The following SLC25A25 variants were observed in gnomAD, a reference collection of about 807,000 sequenced individuals.
The protein encoded by SLC25A25 is mitochondrial adenyl nucleotide antiporter SLC25A25.
A neutral mutation model predicts 57.7 loss-of-function variants in SLC25A25; 32 were observed. The ratio of observed to expected loss-of-function variants is 0.55; its 90% CI spans 0.42 to 0.74. The LOEUF is 0.74. Among genes scored for constraint, SLC25A25 ranks in the 30% least tolerant of loss-of-function variants. The probability of loss-of-function intolerance (pLI) is 0.00; values close to 1 mark genes in which losing one functional copy is unlikely to be tolerated. For synonymous variants in SLC25A25, 306 were observed against 291.2 expected (o/e 1.05, Z -0.52); for missense variants, 556 against 701.3 (o/e 0.79, Z 2.34).
intron 1 of SLC25A25, among the ~76,000 whole-genome samples, chr9:128,070,805 A>AT (rs1476507501): frequency 9.2e-5 from 14 of 151,664 alleles, no homozygotes; most frequent in African/African-American, 3.4e-4. Context: ...TACAAAATTA[A>AT]CGGGGAGTGG....
chr9:128,083,993 T>C (rs1040541098), intron 1 of SLC25A25, among the ~76,000 whole-genome samples: 3 of 152,154 alleles, frequency 2.0e-5, no homozygotes, highest in Non-Finnish European at 4.4e-5. Flanking sequence ...CTTTATACTC[T>C]GGGCATTTTA....
chr9:128,079,409 CA>C lies in SLC25A25; in HGVS notation c.261+10851del, dbSNP rs375501116. Among the ~76,000 whole-genome samples the C allele has an allele frequency of 6.8e-3, 409 of 59,792 alleles. 1 individual carries two copies. Among genetic ancestry groups the C allele is most frequent in the East Asian group, 0.028 (62 of 2,220 alleles). The allele number at this position is 59,792 out of a possible 152,430, so 39.2% of individuals were successfully genotyped here. On this transcript the variant is annotated intron_variant, in intron 1 of 10. Transcript: ENST00000373069. The stretch of plus-strand genomic sequence containing the variant: ...CCATTGATTGAAATGCTGCTGATGC[CA>C]AAAAAAAAAAAAAAAAAAAAAGGGT...
In SLC25A25 at chr9:128,107,319, A is replaced by G. The variant is rs773606820; in HGVS notation, c.1423A>G (p.Thr475Ala). 2.6e-6 allele frequency: 4 copies of G among 1,552,946 alleles called. No individual in the cohort carries two copies. In the South Asian group the frequency reaches 3.7e-5, roughly 14 times the overall value. Residue 475 changes from threonine (T) to alanine (A), a missense_variant, in exon 11 of 11, where the codon ACC becomes GCC. Physicochemically the swap from Thr to Ala is moderately conservative, Grantham distance 58. Transcript: ENST00000373069. ...MSSLFKHILR[T>A]EGAFGLYRGL... ...CAGCCTCTTCAAACATATCCTGCGG[A>G]CCGAGGGGGCCTTCGGGCTGTACAG... is the stretch of plus-strand genomic sequence containing the variant.
chr9:128,097,153 T>C (rs1391943286), intron 1 of SLC25A25, among the ~76,000 whole-genome samples: 1 of 152,242 alleles, frequency 6.6e-6, no homozygotes, highest in Non-Finnish European at 1.5e-5. Context: ...AGTGGGAAGA[T>C]ATAGTCTATA....
Position 128,106,605 on chromosome 9 carries a change from G to A in SLC25A25, c.1212+85G>A, listed in dbSNP as rs1834050690. 6 of 1,465,096 alleles carry A rather than the reference G, an allele frequency of 4.1e-6. No individual in the cohort carries two copies. In the East Asian group the frequency reaches 6.8e-5, roughly 17 times the overall value. 90.8% of individuals were successfully genotyped at this position (1,465,096 alleles called of 1,614,324 possible). A position where few individuals can be genotyped will look rare whatever the true frequency, so the allele number is the denominator to read the frequency against. ...TCCCTCCTTGACGGACGCGTGGTTA[G>A]TGCAGGAAACTGCATCAAAGACTGC... On this transcript the variant is annotated intron_variant, in intron 9 of 10. Coordinates refer to ENST00000373069, the MANE Select transcript of SLC25A25 (RefSeq NM_001330988.2).
chr9:128,084,289 C>T (rs1002290194), intron 1 of SLC25A25, among the ~76,000 whole-genome samples: 1 of 145,642 alleles, frequency 6.9e-6, no homozygotes, highest in South Asian at 2.2e-4. Context: ...TTGATACAGT[C>T]TCACTCTGTT....
At position 128,107,019 on chromosome 9, in the gene SLC25A25, C is replaced by A. The variant is rs771066566; in HGVS notation, c.1213-10C>A. 6.2e-7 allele frequency: 1 copy of A among 1,612,524 alleles called. No individual in the cohort carries two copies. The highest frequency in any genetic ancestry group is 1.7e-5 in the Admixed American group (1 of 59,950). On this transcript the variant is annotated splice_polypyrimidine_tract_variant and intron_variant, in intron 9 of 10. Transcript: ENST00000373069. ...CCTAGGGCTTATCCCATGCTCCCTT[C>A]TCCTTCTAGACGCTCAAGAATGCCT... is the stretch of plus-strand genomic sequence containing the variant.
chr9:128,078,970 G>A (rs948034710), intron 1 of SLC25A25, among the ~76,000 whole-genome samples: 1 of 152,104 alleles, frequency 6.6e-6, no homozygotes, highest in African/African-American at 2.4e-5. Context: ...AGGCCCTGGT[G>A]GTGCACAGGA....
At chr9:128,073,297 A>G (rs1253056155) in intron 1 of SLC25A25, among the ~76,000 whole-genome samples, 1 of 152,128 alleles carries the variant, frequency 6.6e-6, no homozygotes, top group East Asian at 1.9e-4. Context: ...ATAATTTAGA[A>G]CCACATATTT....
chr9:128,092,594 C>T (rs569989066), intron 1 of SLC25A25, among the ~76,000 whole-genome samples: 32 of 152,096 alleles, frequency 2.1e-4, no homozygotes, highest in Non-Finnish European at 4.0e-4. Context: ...AGACTGGGTC[C>T]GAGGAGAGGC....
Position 128,103,662 on chromosome 9 carries a change from G to T in SLC25A25, c.625-19G>T, listed in dbSNP as rs1833897628. ...GCCCCAAGGGTCCTGAGTCAGGCTT[G>T]TGCCATCTTTCCTCACAGATCTTTG... On this transcript the variant is annotated intron_variant, in intron 5 of 10. Coordinates refer to ENST00000373069, the MANE Select transcript of SLC25A25 (RefSeq NM_001330988.2). This position sits in a 1 kb window ranked among gnomAD's most constrained non-coding sequence, Gnocchi z 6.7. The T allele has an allele frequency of 1.2e-6, 2 of 1,614,036 alleles. No individual in the cohort carries two copies. Among genetic ancestry groups the T allele is most frequent in the African/African-American group, 2.7e-5 (2 of 74,938 alleles).
At chr9:128,068,728 A>C in intron 1 of SLC25A25, 148 bp downstream of exon 1, 1 of 923,960 alleles carries the variant, frequency 1.1e-6, no homozygotes, top group Non-Finnish European at 1.5e-6. Flanking sequence ...CACCCCACTT[A>C]TGCCCTGGTG....
intron 1 of SLC25A25, among the ~76,000 whole-genome samples, chr9:128,096,424 G>T (rs1026082540): frequency 6.6e-6 from 1 of 152,164 alleles, no homozygotes; most frequent in Non-Finnish European, 1.5e-5. Context: ...CACAAGAGTC[G>T]CTTGAACCTG....
chr9:128,081,403 G>C (rs1833153422), intron 1 of SLC25A25, among the ~76,000 whole-genome samples: 1 of 152,148 alleles, frequency 6.6e-6, no homozygotes, highest in South Asian at 2.1e-4. Flanking sequence ...GCTTTTTCAC[G>C]TGGGAGAAGG....
Position 128,068,560 on chromosome 9 carries a change from C to A in SLC25A25, c.241C>A (p.Arg81Ser). ...AVGLRRLGLH[R>S]TEGELQKIVQ... ...GGGGCTGCGGCGCCTGGGACTGCAC[C>A]GCACCGAGGGCGAGCTCCAGGTAGG... Residue 81 changes from arginine (R) to serine (S), a missense_variant, in exon 1 of 11, where the codon CGC becomes AGC. Arg to Ser is a moderately radical substitution (Grantham distance 110). Coordinates refer to ENST00000373069, the MANE Select transcript of SLC25A25 (RefSeq NM_001330988.2). The A allele has an allele frequency of 7.0e-7, 1 of 1,428,676 alleles. No homozygotes were observed. Among genetic ancestry groups the A allele is most frequent in the Admixed American group, 2.7e-5 (1 of 36,646 alleles). The allele number at this position is 1,428,676 out of a possible 1,614,324, so 88.5% of individuals were successfully genotyped here. A position where few individuals can be genotyped will look rare whatever the true frequency, so the allele number is the denominator to read the frequency against.
intron 1 of SLC25A25, among the ~76,000 whole-genome samples, chr9:128,076,402 A>AT (rs1284971189): frequency 3.9e-5 from 6 of 152,242 alleles, no homozygotes; most frequent in African/African-American, 1.2e-4. Flanking sequence ...AAGTGTTAGG[A>AT]TTACAGGCAT....
At chr9:128,073,398 A>G (rs1012497457) in intron 1 of SLC25A25, among the ~76,000 whole-genome samples, 1 of 152,100 alleles carries the variant, frequency 6.6e-6, no homozygotes, top group Non-Finnish European at 1.5e-5. Context: ...TGACCCGAGC[A>G]GTGCACATGA....
At chr9:128,068,641 G>A in intron 1 of SLC25A25, 61 bp downstream of exon 1, 4 of 1,377,454 alleles carry the variant, frequency 2.9e-6, no homozygotes, top group Non-Finnish European at 3.7e-6. Context: ...CGGGTGACAG[G>A]TCTCGGGGGA....
rs976680159 is a variant in SLC25A25 at position 128,102,361 on chromosome 9, G to C, written c.513-9G>C. On this transcript the variant is annotated splice_polypyrimidine_tract_variant and intron_variant, in intron 4 of 10. Transcript: ENST00000373069. The surrounding 1 kb of genome is among the most constrained non-coding windows in gnomAD (Gnocchi z 4.1). ...TGGGCACGTGGGCAGCCTCGCCTCT[G>C]TCTTGCAGCATGGATAAAAACGGCA... 2.5e-6 allele frequency: 4 copies of C among 1,612,428 alleles called. No homozygotes were observed. In the African/African-American group the frequency reaches 5.3e-5, roughly 22 times the overall value.
Sources: gnomAD v4.1 joint callset for allele counts (sites outside exome capture counted in the v4.1 genomes callset) on GRCh38, gnomAD v4.1.1 for gene constraint, Gnocchi (gnomAD v3.1) non-coding constraint, MANE v1.5 for transcripts, NCBI Gene and HGNC (gene_info 2026-07-23, HGNC 2026-07-21) for gene names.